Variants in EPB41L4A observed in about 807,000 individuals in gnomAD.
EPB41L4A encodes band 4.1-like protein 4A.
In EPB41L4A, 100 loss-of-function variants were observed where a neutral mutation model predicts 108.6. The observed-to-expected ratio is 0.92, with a 90% CI of 0.78 to 1.09. The LOEUF is 1.09. Ranked by LOEUF, EPB41L4A falls within the 50% of genes least tolerant of loss-of-function variation. The probability of loss-of-function intolerance (pLI) is 0.00; values close to 1 mark genes in which losing one functional copy is unlikely to be tolerated. For missense variants in EPB41L4A, 1,030 were observed against 842.7 expected, an observed-to-expected ratio of 1.22 and a Z score of -2.75; for synonymous variants, 319 against 289.0, an observed-to-expected ratio of 1.10 and a Z score of -1.05.
chr5:112,218,465 C>T (rs1676489441), intron 12 of EPB41L4A, among the ~76,000 whole-genome samples: 1 of 152,182 alleles, frequency 6.6e-6, no homozygotes, highest in Non-Finnish European at 1.5e-5. Context: ...CTCCTCCAAT[C>T]CTCTATCAGG....
chr5:112,147,224 A>G (rs970786739), intron 12 of EPB41L4A, among the ~76,000 whole-genome samples: 5 of 152,210 alleles, frequency 3.3e-5, no homozygotes, highest in African/African-American at 9.7e-5. Flanking sequence ...TCAGCACTTC[A>G]AGTACGATCT....
intron 18 of EPB41L4A, among the ~76,000 whole-genome samples, chr5:112,171,343 T>C (rs1165833318): frequency 6.6e-6 from 1 of 152,136 alleles, no homozygotes; most frequent in Non-Finnish European, 1.5e-5. Context: ...TAAGTAATGG[T>C]AAAAGAAGAA....
intron 1 of EPB41L4A, among the ~76,000 whole-genome samples, chr5:112,376,123 T>C (rs1447645009): frequency 1.3e-5 from 2 of 152,182 alleles, no homozygotes; most frequent in Non-Finnish European, 2.9e-5. Context: ...TCAAACTACA[T>C]ATCCAAAGAG....
At chr5:112,207,609 A>C (rs1762532667) in intron 13 of EPB41L4A, among the ~76,000 whole-genome samples, 1 of 152,004 alleles carries the variant, frequency 6.6e-6, no homozygotes, top group Non-Finnish European at 1.5e-5. Context: ...AAAAATGGGC[A>C]AAGGACATCA....
At chr5:112,228,862 T>A in intron 12 of EPB41L4A, 1 of 384,028 alleles carries the variant, frequency 2.6e-6, no homozygotes, top group Non-Finnish European at 3.6e-6. Flanking sequence ...CTCCTCTGGG[T>A]GGGGAAGCAG....
intron 1 of EPB41L4A, among the ~76,000 whole-genome samples, chr5:112,385,069 C>A (rs1204405213): frequency 6.6e-6 from 1 of 152,106 alleles, no homozygotes; most frequent in African/African-American, 2.4e-5. Flanking sequence ...TTTTAAGGAG[C>A]AGGCGAAGCC....
intron 1 of EPB41L4A, among the ~76,000 whole-genome samples, chr5:112,386,938 C>G (rs565679251): frequency 6.6e-6 from 1 of 152,188 alleles, no homozygotes; most frequent in Admixed American, 6.5e-5. Flanking sequence ...ACCGACCTCA[C>G]CACTGACAGT....
rs1036651047 is a variant in EPB41L4A, at chr5:112,294,860, T to C, written c.204+12526A>G. On this transcript the variant is annotated intron_variant, in intron 2 of 22. Transcript: ENST00000261486. ...ACTTTGTAAACCATGTTTAGGAGTT[T>C]GGATTTTCCCTTAGGGAGCCATTAA... is the stretch of plus-strand genomic sequence containing the variant. Among the ~76,000 whole-genome samples the C allele has an allele frequency of 3.2e-4, 48 of 152,206 alleles. 1 individual carries two copies. Among genetic ancestry groups the C allele is most frequent in the Non-Finnish European group, 1.0e-4 (7 of 68,034 alleles).
At chr5:112,419,487 A>G (rs1200070837), upstream of EPB41L4A, 9 of 375,132 alleles carry the variant, frequency 2.4e-5, no homozygotes, top group Non-Finnish European at 3.2e-5. Context: ...TGCCGCACGG[A>G]TTTGAGCGCG....
intron 1 of EPB41L4A, among the ~76,000 whole-genome samples, chr5:112,335,931 C>A (rs1375437755): frequency 6.6e-6 from 1 of 152,180 alleles, no homozygotes; most frequent in Non-Finnish European, 1.5e-5. Context: ...TGCTTCACAC[C>A]TGCTATCTCC....
At chr5:112,291,877 T>C (rs754629722) in intron 2 of EPB41L4A, among the ~76,000 whole-genome samples, 3 of 152,216 alleles carry the variant, frequency 2.0e-5, no homozygotes, top group Non-Finnish European at 4.4e-5. Flanking sequence ...TTTTGTAAGC[T>C]GCTCTAGCAA....
At chr5:112,354,612 C>T (rs1278357876) in intron 1 of EPB41L4A, among the ~76,000 whole-genome samples, 3 of 152,136 alleles carry the variant, frequency 2.0e-5, no homozygotes, top group East Asian at 1.9e-4. Flanking sequence ...AGTTATCAGT[C>T]GAGTAATGTT....
chr5:112,413,680 C>T (rs565848655), intron 1 of EPB41L4A, among the ~76,000 whole-genome samples: 9 of 152,310 alleles, frequency 5.9e-5, no homozygotes, highest in African/African-American at 2.2e-4. Context: ...GGCTGCCTAG[C>T]AGATGGGACA....
At chr5:112,204,299 C>A (rs780626602) in intron 15 of EPB41L4A, 76 bp downstream of exon 15, 138 of 876,128 alleles carry the variant, frequency 1.6e-4, no homozygotes, top group Non-Finnish European at 2.3e-4. Context: ...GTATAAGAAT[C>A]ACCTATTATA....
chr5:112,275,201 G>A (rs2150490417), intron 4 of EPB41L4A, 125 bp downstream of exon 4: 1 of 1,203,390 alleles, frequency 8.3e-7, no homozygotes, highest in Non-Finnish European at 1.1e-6. Flanking sequence ...ACCCTCTAAG[G>A]AGATGCGTTA....
chr5:112,213,223 G>A (rs1425636272), intron 12 of EPB41L4A, among the ~76,000 whole-genome samples: 1 of 152,138 alleles, frequency 6.6e-6, no homozygotes. Context: ...TAATGTGACA[G>A]TGCTATAACT....
intron 1 of EPB41L4A, among the ~76,000 whole-genome samples, chr5:112,389,841 G>T (rs1260629249): frequency 6.6e-6 from 1 of 152,112 alleles, no homozygotes; most frequent in Non-Finnish European, 1.5e-5. Context: ...TCACAACAAT[G>T]CTAGAATTAG....
chr5:112,170,436 C>T (rs373296505), intron 19 of EPB41L4A, 67 bp from the exon 20 acceptor site: 16 of 1,042,182 alleles, frequency 1.5e-5, no homozygotes, highest in Admixed American at 8.5e-5. Flanking sequence ...CTTTCACAAT[C>T]GGCAGGTGAG....
intron 1 of EPB41L4A, among the ~76,000 whole-genome samples, chr5:112,337,318 T>C (rs1476705054): frequency 6.6e-6 from 1 of 152,206 alleles, no homozygotes; most frequent in African/African-American, 2.4e-5. Flanking sequence ...TCTAACACAA[T>C]CTACTATAAA....
Sources: allele counts gnomAD v4.1 joint callset (sites outside exome capture counted in the v4.1 genomes callset), GRCh38; gene constraint gnomAD v4.1.1; transcripts MANE v1.5; gene names NCBI Gene and HGNC (gene_info 2026-07-23, HGNC 2026-07-21).